Variants in RBFOX1 observed in about 807,000 individuals in gnomAD.
The protein encoded by RBFOX1 is RNA binding protein fox-1 homolog 1.
In RBFOX1, 8 loss-of-function variants were observed where a neutral mutation model predicts 57.7. The ratio of observed to expected loss-of-function variants is 0.14; its 90% CI spans 0.08 to 0.25. The LOEUF (loss-of-function observed/expected upper bound fraction) is 0.25, where lower values mean the gene tolerates loss of function less well. Among genes scored for constraint, RBFOX1 ranks in the 10% least tolerant of loss-of-function variants. The pLI, the probability that RBFOX1 is intolerant of heterozygous loss-of-function variation, is 1.00. For synonymous variants in RBFOX1, 326 were observed against 222.4 expected (o/e 1.47, Z -4.15); for missense variants, 611 against 548.5 (o/e 1.11, Z -1.14).
chr16:7,508,865 T>C (rs1054382147), intron 4 of RBFOX1, among the ~76,000 whole-genome samples: 2 of 152,198 alleles, frequency 1.3e-5, no homozygotes, highest in Admixed American at 6.5e-5. Context: ...GGAAGATCTC[T>C]CTTTCCATAG....
chr16:6,802,245 A>C (rs1270075289), intron 3 of RBFOX1, among the ~76,000 whole-genome samples: 2 of 152,166 alleles, frequency 1.3e-5, no homozygotes, highest in Non-Finnish European at 2.9e-5. Context: ...TTAACCACTC[A>C]GTCAGTGCCG....
At chr16:6,117,078 G>C (rs1219868165) in intron 1 of RBFOX1, among the ~76,000 whole-genome samples, 1 of 152,124 alleles carries the variant, frequency 6.6e-6, no homozygotes, top group Non-Finnish European at 1.5e-5. Flanking sequence ...AAAGTCTGAT[G>C]CCCTCACCAA....
intron 3 of RBFOX1, among the ~76,000 whole-genome samples, chr16:6,807,671 C>G (rs1340469704): frequency 2.0e-5 from 3 of 151,958 alleles, no homozygotes; most frequent in Non-Finnish European, 2.9e-5. Context: ...AAAAATTTGG[C>G]TGGGCATGGT....
chr16:7,152,082 G>A (rs187817410), intron 4 of RBFOX1, among the ~76,000 whole-genome samples: 27 of 152,290 alleles, frequency 1.8e-4, no homozygotes, highest in Non-Finnish European at 3.4e-4. Flanking sequence ...CTGTATTGAA[G>A]CAAAGCAAAA....
At chr16:6,102,177 C>CA (rs371780023) in intron 1 of RBFOX1, among the ~76,000 whole-genome samples, 2,391 of 114,000 alleles carry the variant, frequency 0.021, 48 homozygotes, top group South Asian at 0.077. Flanking sequence ...CTCTTTCAGC[C>CA]AAAAAAAAAA....
chr16:7,395,824 G>T (rs2098130679), intron 4 of RBFOX1, among the ~76,000 whole-genome samples: 1 of 152,174 alleles, frequency 6.6e-6, no homozygotes, highest in African/African-American at 2.4e-5. Flanking sequence ...TTTCCTGCGG[G>T]TGAAATTTTC....
chr16:7,104,570 A>C (rs1007704226), intron 4 of RBFOX1, among the ~76,000 whole-genome samples: 1 of 152,164 alleles, frequency 6.6e-6, no homozygotes. Flanking sequence ...GGTGGGCTGA[A>C]AATGTTGGGC....
intron 1 of RBFOX1, among the ~76,000 whole-genome samples, chr16:6,075,446 C>G (rs1018751466): frequency 1.1e-4 from 17 of 152,194 alleles, no homozygotes; most frequent in Non-Finnish European, 2.1e-4. Flanking sequence ...TCTTATGAAT[C>G]TTACATTCTT....
chr16:5,441,546 G>T (rs995828439), intron 1 of RBFOX1, among the ~76,000 whole-genome samples: 13 of 152,002 alleles, frequency 8.6e-5, no homozygotes, highest in African/African-American at 2.9e-4. Context: ...TGTATTTTTA[G>T]TAGAGATGAG....
intron 1 of RBFOX1, among the ~76,000 whole-genome samples, chr16:6,246,605 A>T (rs2097570441): frequency 6.6e-6 from 1 of 152,178 alleles, no homozygotes; most frequent in Non-Finnish European, 1.5e-5. Flanking sequence ...AAAAGGGGTG[A>T]TTCCACCAGA....
chr16:7,069,410 G>C (rs995223378), intron 4 of RBFOX1, among the ~76,000 whole-genome samples: 1 of 152,040 alleles, frequency 6.6e-6, no homozygotes, highest in African/African-American at 2.4e-5. Flanking sequence ...CTGTGTGTTC[G>C]TTGTTCAGCT....
chr16:5,687,821 T>C lies in RBFOX1; in HGVS notation c.318+88860T>C, dbSNP rs1567398604. Among the ~76,000 whole-genome samples, 3 of 152,286 alleles carry C rather than the reference T, an allele frequency of 2.0e-5. No individual in the cohort carries two copies. The East Asian group carries it at 5.8e-4, about 29-fold the overall frequency. On this transcript the variant is annotated intron_variant, in intron 3 of 19. Transcript: ENST00000641259. ...GTACCGGGTATGTATGGTCTCAATG[T>C]TAGGTGGACGTTTTATATTTTAAAA...
At chr16:6,511,064 C>T (rs1399629773) in intron 2 of RBFOX1, among the ~76,000 whole-genome samples, 3 of 152,068 alleles carry the variant, frequency 2.0e-5, no homozygotes, top group Non-Finnish European at 1.5e-5. Flanking sequence ...TGCAAGCATC[C>T]AGGACCATTG....
At chr16:6,599,915 C>T (rs1038499958) in intron 2 of RBFOX1, among the ~76,000 whole-genome samples, 1 of 152,202 alleles carries the variant, frequency 6.6e-6, no homozygotes, top group Non-Finnish European at 1.5e-5. Context: ...GTCAGTGGTA[C>T]AAAGTGTTAA....
chr16:6,674,183 C>G (rs976245372), intron 3 of RBFOX1, among the ~76,000 whole-genome samples: 4 of 152,110 alleles, frequency 2.6e-5, no homozygotes, highest in Non-Finnish European at 4.4e-5. Context: ...TGTTGAAGTC[C>G]TAGCTTTTCC....
At chr16:7,077,066 G>T (rs1395155196) in intron 4 of RBFOX1, among the ~76,000 whole-genome samples, 1 of 152,188 alleles carries the variant, frequency 6.6e-6, no homozygotes, top group Admixed American at 6.5e-5. Context: ...GACCTCAGAG[G>T]TTTTCTTTGC....
intron 2 of RBFOX1, among the ~76,000 whole-genome samples, chr16:6,332,015 C>T (rs1216757681): frequency 2.0e-5 from 3 of 152,140 alleles, no homozygotes; most frequent in African/African-American, 7.2e-5. Context: ...CAAGCGATGC[C>T]TGCAGGAGAT....
chr16:7,469,545 A>T (rs2061174106), intron 4 of RBFOX1, among the ~76,000 whole-genome samples: 1 of 152,140 alleles, frequency 6.6e-6, no homozygotes. Context: ...TTTTAAAATA[A>T]TGCATATTTT....
intron 3 of RBFOX1, among the ~76,000 whole-genome samples, chr16:6,830,672 C>T (rs2092642559): frequency 6.6e-6 from 1 of 152,062 alleles, no homozygotes; most frequent in South Asian, 2.1e-4. Flanking sequence ...CTTCCCCAAG[C>T]CAAAATAGCA....
Sources: gnomAD v4.1 joint callset for allele counts (sites outside exome capture counted in the v4.1 genomes callset) on GRCh38, gnomAD v4.1.1 for gene constraint, MANE v1.5 for transcripts, NCBI Gene and HGNC (gene_info 2026-07-23, HGNC 2026-07-21) for gene names.